The following MSH4 variants were observed in gnomAD, a reference collection of about 807,000 sequenced individuals.
MSH4 encodes mutS protein homolog 4.
A neutral mutation model predicts 113.7 loss-of-function variants in MSH4; 106 were observed. That is an observed-to-expected ratio of 0.93 (90% confidence interval 0.80 to 1.10). The LOEUF is 1.10. Among genes scored for constraint, MSH4 ranks in the 50% least tolerant of loss-of-function variants. The pLI is 0.00. For missense variants in MSH4, 1,061 were observed against 1,093.7 expected (o/e 0.97, Z 0.42); for synonymous variants, 368 against 380.2 (o/e 0.97, Z 0.37).
intron 19 of MSH4, among the ~76,000 whole-genome samples, chr1:75,903,360 G>A (rs955396899): frequency 4.0e-5 from 6 of 151,860 alleles, no homozygotes; most frequent in Admixed American, 2.6e-4. Context: ...TTATTTCTGG[G>A]TTCTCTGTTC....
At chr1:75,867,176 G>A (rs1035554691) in intron 8 of MSH4, among the ~76,000 whole-genome samples, 3 of 152,062 alleles carry the variant, frequency 2.0e-5, no homozygotes, top group African/African-American at 7.2e-5. Context: ...TACTCTTTGT[G>A]CCTTTTTCAG....
At chr1:75,906,719 A>G (rs1652664664) in intron 19 of MSH4, among the ~76,000 whole-genome samples, 1 of 148,472 alleles carries the variant, frequency 6.7e-6, no homozygotes, top group Non-Finnish European at 1.5e-5. Context: ...AACACTCCGT[A>G]CTTTAACTTC....
At chr1:75,880,874 T>C (rs1007390681) in intron 13 of MSH4, among the ~76,000 whole-genome samples, 1 of 152,050 alleles carries the variant, frequency 6.6e-6, no homozygotes, top group Non-Finnish European at 1.5e-5. Context: ...ACTTAACATT[T>C]GCAAATTCAC....
intron 15 of MSH4, among the ~76,000 whole-genome samples, chr1:75,885,005 G>T (rs1652032760): frequency 7.0e-6 from 1 of 142,882 alleles, no homozygotes; most frequent in African/African-American, 2.6e-5. Context: ...ATATATGTGT[G>T]TGTGTATGTG....
chr1:75,863,410 CA>C (rs1270366774), intron 8 of MSH4, among the ~76,000 whole-genome samples: 2 of 151,918 alleles, frequency 1.3e-5, no homozygotes, highest in Non-Finnish European at 2.9e-5. Flanking sequence ...ACGCTTGGGT[CA>C]AAGAGAAATA....
At chr1:75,824,444 T>C (rs796736977) in intron 7 of MSH4, among the ~76,000 whole-genome samples, 13 of 152,336 alleles carry the variant, frequency 8.5e-5, no homozygotes, top group African/African-American at 2.9e-4. Flanking sequence ...CTGATGATAG[T>C]TTCTTTTGCT....
At chr1:75,891,932 A>C (rs886629471) in intron 17 of MSH4, among the ~76,000 whole-genome samples, 1 of 152,176 alleles carries the variant, frequency 6.6e-6, no homozygotes, top group Non-Finnish European at 1.5e-5. Flanking sequence ...AGTGCCTCTG[A>C]TGGTTAATTT....
At chr1:75,843,848 G>T (rs901920779) in intron 7 of MSH4, among the ~76,000 whole-genome samples, 34 of 151,272 alleles carry the variant, frequency 2.2e-4, no homozygotes, top group African/African-American at 8.0e-4. Flanking sequence ...TTTCACCCTT[G>T]CTGCCCAGGC....
At chr1:75,883,042 T>C (rs1042333976) in intron 14 of MSH4, among the ~76,000 whole-genome samples, 3 of 152,044 alleles carry the variant, frequency 2.0e-5, no homozygotes, top group African/African-American at 7.2e-5. Flanking sequence ...ACTCACTTTG[T>C]CAGCCAGGCT....
In MSH4 at chr1:75,815,131, G is replaced by A; in HGVS notation, c.810G>A (p.Gln270=). The change falls in exon 5 of 20, where the codon CAG becomes CAA. Residue 270 remains glutamine (Q), a synonymous_variant. Coordinates refer to ENST00000263187, the MANE Select transcript of MSH4 (RefSeq NM_002440.4). ...AEFSTVLMEV[Q]SKYYCLAAVA... ...TCAGCACTGTCCTAATGGAGGTTCA[G>A]TCCAAGTAAGTTATATATTTATTTA... 1.3e-6 allele frequency: 2 copies of A among 1,496,142 alleles called. No homozygotes were observed. Among genetic ancestry groups the A allele is most frequent in the Non-Finnish European group, 1.8e-6 (2 of 1,106,822 alleles). 92.7% of individuals were successfully genotyped at this position (1,496,142 alleles called of 1,614,324 possible).
chr1:75,858,289 C>A (rs558807066), intron 8 of MSH4, among the ~76,000 whole-genome samples: 222 of 152,344 alleles, frequency 1.5e-3, no homozygotes, highest in African/African-American at 5.1e-3. Flanking sequence ...CTGGCCAGAA[C>A]TTCCAATACT....
chr1:75,887,167 G>A (rs970955806), intron 15 of MSH4, among the ~76,000 whole-genome samples: 3 of 151,988 alleles, frequency 2.0e-5, no homozygotes, highest in African/African-American at 7.3e-5. Flanking sequence ...GAGGGACCTG[G>A]TCGGAGGTGA....
chr1:75,852,838 T>C (rs887138026), intron 8 of MSH4, among the ~76,000 whole-genome samples: 2 of 152,172 alleles, frequency 1.3e-5, no homozygotes, highest in Non-Finnish European at 2.9e-5. Flanking sequence ...TTCTTGATTA[T>C]ATGCATGTTA....
chr1:75,880,903 G>A (rs1018408103), intron 13 of MSH4, among the ~76,000 whole-genome samples: 1 of 151,818 alleles, frequency 6.6e-6, no homozygotes, highest in Non-Finnish European at 1.5e-5. Flanking sequence ...TAGCAAATGG[G>A]ATCTTTCCAA....
At chr1:75,833,479 A>G (rs1650754321) in intron 7 of MSH4, among the ~76,000 whole-genome samples, 2 of 152,144 alleles carry the variant, frequency 1.3e-5, no homozygotes, top group African/African-American at 4.8e-5. Context: ...CATTAACTGG[A>G]CAATCCTAAA....
At chr1:75,895,356 C>T (rs5745523) in intron 17 of MSH4, among the ~76,000 whole-genome samples, 65,074 of 151,962 alleles carry the variant, frequency 0.43, 14,284 homozygotes, top group African/African-American at 0.5. Flanking sequence ...TACAACCCAA[C>T]CCAGGCAGGA....
rs149910287 is a variant in MSH4, at chr1:75,883,664, G to T, written c.1950G>T (p.Trp650Cys). The change falls in exon 15 of 20, where the codon TGG becomes TGT. Residue 650 changes from tryptophan to cysteine, a missense_variant. By Grantham distance (215) the Trp-to-Cys change is radical. Transcript: ENST00000263187. ...FTDTLAIKQG[W>C]HPILEKISAE... The stretch of plus-strand genomic sequence containing the variant: ...ATACTTTAGCAATCAAACAGGGATG[G>T]CATCCTATTCTTGAAAAAATATCTG... The T allele has an allele frequency of 1.9e-6, 3 of 1,612,890 alleles. No individual in the cohort carries two copies. The African/African-American group carries it at 4.0e-5, about 22-fold the overall frequency.
chr1:75,888,603 A>G (rs1201084673), intron 15 of MSH4, among the ~76,000 whole-genome samples: 1 of 49,468 alleles, frequency 2.0e-5, no homozygotes, highest in Non-Finnish European at 5.5e-5. Context: ...TCAGATTTTC[A>G]TATTTCTTTT....
intron 8 of MSH4, among the ~76,000 whole-genome samples, chr1:75,858,681 C>T (rs200622746): frequency 8.0e-4 from 122 of 152,200 alleles, no homozygotes; most frequent in African/African-American, 1.7e-3. Context: ...TATTTTATTG[C>T]GGATTCTCAC....
Sources: allele counts gnomAD v4.1 joint callset (sites outside exome capture counted in the v4.1 genomes callset), GRCh38; gene constraint gnomAD v4.1.1; transcripts MANE v1.5; gene names NCBI Gene and HGNC (gene_info 2026-07-23, HGNC 2026-07-21).